The following ZDHHC14 variants were observed in gnomAD, a reference collection of about 807,000 sequenced individuals.
The protein encoded by ZDHHC14 is zDHHC palmitoyltransferase 14.
ZDHHC14 carries 16 observed loss-of-function variants against 47.7 expected under a neutral mutation model. The observed-to-expected ratio is 0.34, with a 90% CI of 0.23 to 0.51. The LOEUF (loss-of-function observed/expected upper bound fraction) is 0.51, where lower values mean the gene tolerates loss of function less well. Ranked by LOEUF, ZDHHC14 falls within the 20% of genes least tolerant of loss-of-function variation. ZDHHC14 has a pLI of 0.97. For synonymous variants in ZDHHC14, 293 were observed against 278.9 expected, an observed-to-expected ratio of 1.05 and a Z score of -0.50; for missense variants, 515 against 662.5, an observed-to-expected ratio of 0.78 and a Z score of 2.44.
intron 2 of ZDHHC14, among the ~76,000 whole-genome samples, chr6:157,589,798 TG>T (rs1244513662): frequency 1.3e-5 from 2 of 152,108 alleles, no homozygotes; most frequent in African/African-American, 2.4e-5. Context: ...CCTGAAAATG[TG>T]GAAGCGACTT....
intron 2 of ZDHHC14, among the ~76,000 whole-genome samples, chr6:157,569,459 A>G (rs1275629575): frequency 3.3e-5 from 5 of 152,116 alleles, no homozygotes; most frequent in South Asian, 2.1e-4. Flanking sequence ...AAATTTGTCT[A>G]TTGGGGATCT....
rs1778870534 is a variant in ZDHHC14, at chr6:157,672,918, C to T, written c.1263C>T (p.Ala421=). Residue 421 remains alanine, a synonymous_variant, in exon 9 of 9, where the codon GCC becomes GCT. Transcript: ENST00000359775. ...CCTCCATGCCCAACCTCGCCGAGGCCACGCTCGCGGACGTGATGCCCCGGA... is the reference window on the plus strand; with the variant it reads ...CCTCCATGCCCAACCTCGCCGAGGCTACGCTCGCGGACGTGATGCCCCGGA... ...PPASMPNLAE[A]TLADVMPRKD... is the part of the protein sequence containing the mutation. The T allele has an allele frequency of 1.2e-6, 2 of 1,604,094 alleles. No individual in the cohort carries two copies. Among genetic ancestry groups the T allele is most frequent in the East Asian group, 2.3e-5 (1 of 44,426 alleles).
chr6:157,562,141 C>T (rs185756963), intron 2 of ZDHHC14, among the ~76,000 whole-genome samples: 3 of 152,070 alleles, frequency 2.0e-5, no homozygotes, highest in Non-Finnish European at 2.9e-5. Context: ...TCAGACGGAG[C>T]AGCTGCAGCC....
intron 1 of ZDHHC14, among the ~76,000 whole-genome samples, chr6:157,385,198 C>T (rs1323988877): frequency 6.6e-6 from 1 of 152,184 alleles, no homozygotes; most frequent in Non-Finnish European, 1.5e-5. Flanking sequence ...AAGCAATCCT[C>T]CCTTCTCAGT....
intron 1 of ZDHHC14, among the ~76,000 whole-genome samples, chr6:157,530,477 A>G (rs760176861): frequency 3.9e-5 from 6 of 152,212 alleles, no homozygotes; most frequent in Admixed American, 6.5e-5. Context: ...ACAGCAACCC[A>G]ATATCCAAAG....
chr6:157,525,602 C>T (rs952021439), intron 1 of ZDHHC14, among the ~76,000 whole-genome samples: 14 of 152,244 alleles, frequency 9.2e-5, no homozygotes, highest in African/African-American at 3.4e-4. Flanking sequence ...CCACCTTGAC[C>T]ACTTTCTAGA....
intron 1 of ZDHHC14, among the ~76,000 whole-genome samples, chr6:157,405,512 G>A (rs1211403585): frequency 1.3e-5 from 2 of 152,070 alleles, no homozygotes; most frequent in South Asian, 2.1e-4. Context: ...GATTACAGGC[G>A]TGAGCCACCG....
At position 157,673,193 on chromosome 6, in the gene ZDHHC14, T is replaced by G; in HGVS notation, c.*71T>G. On this transcript the variant is annotated 3_prime_UTR_variant, in exon 9 of 9. Transcript: ENST00000359775. This position sits in a 1 kb window ranked among gnomAD's most constrained non-coding sequence, Gnocchi z 5.4. ...CAGCAGGAGTGAGCGGAGGGGTGTGTCCCACAGCGACTTTCCCAGCCAATG... is the reference window on the plus strand; with the variant it reads ...CAGCAGGAGTGAGCGGAGGGGTGTGGCCCACAGCGACTTTCCCAGCCAATG... 6.8e-7 allele frequency: 1 copy of G among 1,464,514 alleles called. No homozygotes were observed. The highest frequency in any genetic ancestry group is 9.0e-7 in the Non-Finnish European group (1 of 1,116,314). 90.7% of individuals were successfully genotyped at this position (1,464,514 alleles called of 1,614,324 possible).
At chr6:157,480,041 T>C (rs1247056698) in intron 1 of ZDHHC14, among the ~76,000 whole-genome samples, 1 of 152,134 alleles carries the variant, frequency 6.6e-6, no homozygotes, top group Non-Finnish European at 1.5e-5. Context: ...TGGACAACAG[T>C]GGCCCACCTA....
intron 1 of ZDHHC14, among the ~76,000 whole-genome samples, chr6:157,533,345 T>C (rs1452604812): frequency 6.6e-6 from 1 of 151,618 alleles, no homozygotes; most frequent in African/African-American, 2.4e-5. Flanking sequence ...ATGGGAAGAG[T>C]AAAAGCTGGA....
chr6:157,618,159 G>A (rs907796204), intron 3 of ZDHHC14, among the ~76,000 whole-genome samples: 2 of 152,192 alleles, frequency 1.3e-5, no homozygotes, highest in Non-Finnish European at 2.9e-5. Flanking sequence ...TAAGGTCAAC[G>A]CTGAGGGGCT....
rs1018155234 is a variant in ZDHHC14 at position 157,633,875 on chromosome 6, A to G, written c.752+993A>G. On this transcript the variant is annotated intron_variant, in intron 5 of 8. Transcript: ENST00000359775. Reference sequence around the variant, plus strand: ...ACCATGTTGGCCAGGCTGGTCTCAAACTGCTGACCTCAGGTGATCTGCCCA... The same window carrying G: ...ACCATGTTGGCCAGGCTGGTCTCAAGCTGCTGACCTCAGGTGATCTGCCCA... Among the ~76,000 whole-genome samples, 15 of 152,190 alleles carry G rather than the reference A, an allele frequency of 9.9e-5. No homozygotes were observed. The South Asian group carries it at 2.9e-3, about 30-fold the overall frequency.
chr6:157,626,129 T>G (rs891322235), intron 3 of ZDHHC14, among the ~76,000 whole-genome samples: 1 of 152,318 alleles, frequency 6.6e-6, no homozygotes, highest in East Asian at 1.9e-4. Flanking sequence ...ATGCTTCAGA[T>G]GGGGTGTACC....
At chr6:157,386,778 A>G (rs1777320128) in intron 1 of ZDHHC14, among the ~76,000 whole-genome samples, 1 of 152,228 alleles carries the variant, frequency 6.6e-6, no homozygotes, top group Non-Finnish European at 1.5e-5. Flanking sequence ...TCATTCTCAC[A>G]TTCCCAGAAG....
intron 3 of ZDHHC14, among the ~76,000 whole-genome samples, chr6:157,616,244 A>C (rs568559168): frequency 6.6e-6 from 1 of 152,230 alleles, no homozygotes; most frequent in East Asian, 1.9e-4. Context: ...AAGACAGGAG[A>C]GATCAGAGAG....
chr6:157,511,442 G>A (rs1442671148), intron 1 of ZDHHC14, among the ~76,000 whole-genome samples: 1 of 151,058 alleles, frequency 6.6e-6, no homozygotes, highest in African/African-American at 2.4e-5. Flanking sequence ...GTGCAATGGT[G>A]CCATCTCGGC....
At chr6:157,524,915 C>A (rs1443688203) in intron 1 of ZDHHC14, among the ~76,000 whole-genome samples, 1 of 152,206 alleles carries the variant, frequency 6.6e-6, no homozygotes, top group Non-Finnish European at 1.5e-5. Context: ...TAACAAATGA[C>A]CCCAGAACTC....
chr6:157,602,141 T>G (rs1479972133), intron 3 of ZDHHC14, among the ~76,000 whole-genome samples: 2 of 149,032 alleles, frequency 1.3e-5, no homozygotes, highest in East Asian at 4.0e-4. Flanking sequence ...GGCTCGAGGT[T>G]GCAGTGAGCC....
At chr6:157,426,260 G>T (rs2114775657) in intron 1 of ZDHHC14, among the ~76,000 whole-genome samples, 1 of 152,328 alleles carries the variant, frequency 6.6e-6, no homozygotes, top group African/African-American at 2.4e-5. Context: ...GCTGGGTGGG[G>T]AGGTGGGGAA....
Sources: gnomAD v4.1 joint callset for allele counts (sites outside exome capture counted in the v4.1 genomes callset) on GRCh38, gnomAD v4.1.1 for gene constraint, Gnocchi (gnomAD v3.1) non-coding constraint, MANE v1.5 for transcripts, NCBI Gene and HGNC (gene_info 2026-07-23, HGNC 2026-07-21) for gene names.